Variants in ATP2A3 observed in about 807,000 individuals in gnomAD.
The protein encoded by ATP2A3 is sarcoplasmic/endoplasmic reticulum calcium ATPase 3.
In ATP2A3, 61 loss-of-function variants were observed where a neutral mutation model predicts 106.8. That is an observed-to-expected ratio of 0.57 (90% CI 0.46 to 0.71). ATP2A3 has a LOEUF of 0.71. ATP2A3 is among the 30% of genes least tolerant of loss of function. The pLI is 0.00. For missense variants in ATP2A3, 1,201 were observed against 1,423.5 expected, an observed-to-expected ratio of 0.84 and a Z score of 2.52; for synonymous variants, 611 against 609.3, an observed-to-expected ratio of 1.00 and a Z score of -0.04.
Position 3,941,443 on chromosome 17 carries a change from T to C in ATP2A3, c.1757A>G (p.Gln586Arg), listed in dbSNP as rs1385812459. 1 of 1,614,160 alleles carries C rather than the reference T, an allele frequency of 6.2e-7. No homozygotes were observed. The highest frequency in any genetic ancestry group is 1.7e-5 in the Admixed American group (1 of 60,024). ...ATCGGCTCCTGCACCCACCTCGTAC[T>C]GCACAAACTTGCTGCAGTCGTCCAG... is the stretch of plus-strand genomic sequence containing the variant. ...MELDDCSKFV[Q>R]YETDLTFVGC... The change falls in exon 13 of 21, where the codon CAG (glutamine) becomes CGG (arginine). Residue 586 changes from glutamine (Q) to arginine (R), a missense_variant. Around this residue, in one of 2 missense-constraint regions of ATP2A3, gnomAD observed 935 missense variants for 1,176.7 expected, o/e 0.79. Coordinates refer to ENST00000397041, the MANE Select transcript of ATP2A3 (RefSeq NM_005173.4).
chr17:3,940,464 A>G (rs2053696467), intron 14 of ATP2A3, among the ~76,000 whole-genome samples: 1 of 152,220 alleles, frequency 6.6e-6, no homozygotes, highest in Non-Finnish European at 1.5e-5. Context: ...TTAGTTGTAG[A>G]ATCCAGATGA....
In ATP2A3 at chr17:3,949,127, CAAAAAAA is replaced by C. The variant is rs869265323; in HGVS notation, c.631-1279_631-1273del. On this transcript the variant is annotated intron_variant, in intron 7 of 20. Transcript: ENST00000397041. ...TGGGTGACAGAGTGAGACTCTGTCT[CAAAAAAA>C]AAAAAAAAAAAAAAAAAAAGGAGTT... Among the ~76,000 whole-genome samples the C allele has an allele frequency of 1.7e-3, 104 of 60,002 alleles. 1 individual carries two copies. Among genetic ancestry groups the C allele is most frequent in the South Asian group, 3.4e-3 (5 of 1,458 alleles). 39.4% of individuals were successfully genotyped at this position (60,002 alleles called of 152,430 possible).
Position 3,926,890 on chromosome 17 carries a change from C to T in ATP2A3, c.2981-1449G>A. 1.0e-6 allele frequency: 1 copy of T among 985,432 alleles called. No individual in the cohort carries two copies. Among genetic ancestry groups the T allele is most frequent in the Non-Finnish European group, 1.2e-6 (1 of 829,936 alleles). 61.0% of individuals were successfully genotyped at this position (985,432 alleles called of 1,614,324 possible). A position where few individuals can be genotyped will look rare whatever the true frequency, so the allele number is the denominator to read the frequency against. On this transcript the variant is annotated intron_variant, in intron 20 of 20. Coordinates refer to ENST00000397041, the MANE Select transcript of ATP2A3 (RefSeq NM_005173.4). The surrounding 1 kb of genome is among the most constrained non-coding windows in gnomAD (Gnocchi z 4.6). Reference sequence around the variant, plus strand: ...GGCCCGTTAGTCTCACCCCCTCTTGCCTGTCCTCCATGGTTGACACAGTCC... The same window carrying T: ...GGCCCGTTAGTCTCACCCCCTCTTGTCTGTCCTCCATGGTTGACACAGTCC...
intron 15 of ATP2A3, chr17:3,937,119 T>G: frequency 2.1e-6 from 1 of 480,954 alleles, no homozygotes. Flanking sequence ...GGTGGGGCTT[T>G]TCTCTCATCT....
At chr17:3,957,863 G>A (rs1405615949) in intron 1 of ATP2A3, among the ~76,000 whole-genome samples, 2 of 152,198 alleles carry the variant, frequency 1.3e-5, no homozygotes, top group African/African-American at 4.8e-5. Flanking sequence ...TGGGCTGCAG[G>A]GGGCAGAGAC....
chr17:3,933,733 C>T (rs2144326390), intron 17 of ATP2A3, among the ~76,000 whole-genome samples: 1 of 151,272 alleles, frequency 6.6e-6, no homozygotes, highest in South Asian at 2.1e-4. Context: ...GAGACTCCAT[C>T]TCAAACAAAC....
rs1342892996 is a variant in ATP2A3 at position 3,955,141 on chromosome 17, A to T, written c.119-1431T>A. Among the ~76,000 whole-genome samples, 1 of 152,210 alleles carries T rather than the reference A, an allele frequency of 6.6e-6. No individual in the cohort carries two copies. Among genetic ancestry groups the T allele is most frequent in the Non-Finnish European group, 1.5e-5 (1 of 68,036 alleles). On this transcript the variant is annotated intron_variant, in intron 1 of 20. Coordinates refer to ENST00000397041, the MANE Select transcript of ATP2A3 (RefSeq NM_005173.4). The surrounding 1 kb of genome is among the most constrained non-coding windows in gnomAD (Gnocchi z 4.2). ...AGGACAGTCTCCGGACATCTGTGGC[A>T]TCTCCCCGAAGCTCGTTAGCCATGC...
intron 5 of ATP2A3, 47 bp downstream of exon 5, chr17:3,951,204 T>G (rs2054403387): frequency 8.1e-7 from 1 of 1,232,940 alleles, no homozygotes; most frequent in Non-Finnish European, 1.0e-6. Context: ...ATAAAATAAA[T>G]AAATAAATAA....
rs1406833791 is a variant in ATP2A3, at chr17:3,940,049, T to G, written c.2100+922A>C. ...GTCATATCTTTTTTTTTTTGTTTTT[T>G]GTTTTTTTTTTTTTTGGAGAGATGG... is the stretch of plus-strand genomic sequence containing the variant. On this transcript the variant is annotated intron_variant, in intron 14 of 20. Transcript: ENST00000397041. Among the ~76,000 whole-genome samples, 5 of 99,682 alleles carry G rather than the reference T, an allele frequency of 5.0e-5. No individual in the cohort carries two copies. In the East Asian group the frequency reaches 9.4e-4, roughly 19 times the overall value. The allele number at this position is 99,682 out of a possible 152,430, so 65.4% of individuals were successfully genotyped here.
chr17:3,932,843 G>A (rs2053187937), intron 17 of ATP2A3, among the ~76,000 whole-genome samples: 1 of 151,772 alleles, frequency 6.6e-6, no homozygotes, highest in Admixed American at 6.5e-5. Flanking sequence ...TTGTGCCACT[G>A]TTGTCGGGCC....
chr17:3,951,468 C>A lies in ATP2A3; in HGVS notation c.325-79G>T, dbSNP rs1433652169. ...CCCCCTTGGAGTGACTCCTCTGGGGCCTGGGATGGAGGTGGAAGCAGGAGA... is the reference window on the plus strand; with the variant it reads ...CCCCCTTGGAGTGACTCCTCTGGGGACTGGGATGGAGGTGGAAGCAGGAGA... On this transcript the variant is annotated intron_variant, in intron 4 of 20. Transcript: ENST00000397041. 16 of 1,606,346 alleles carry A rather than the reference C, an allele frequency of 1.0e-5. No individual in the cohort carries two copies. The Admixed American group carries it at 1.3e-4, about 14-fold the overall frequency.
intron 20 of ATP2A3, chr17:3,927,854 TG>T (rs1434656282): frequency 1.1e-5 from 17 of 1,548,898 alleles, no homozygotes; most frequent in Non-Finnish European, 1.2e-5. Flanking sequence ...CTGCCAGAGG[TG>T]GCCCCCAACG....
chr17:3,950,162 A>T lies in ATP2A3; in HGVS notation c.630+349T>A, dbSNP rs1381608804. Among the ~76,000 whole-genome samples, 49 of 138,594 alleles carry T rather than the reference A, an allele frequency of 3.5e-4. No homozygotes were observed. The South Asian group carries it at 0.011, about 30-fold the overall frequency. The allele number at this position is 138,594 out of a possible 152,430, so 90.9% of individuals were successfully genotyped here. A position where few individuals can be genotyped will look rare whatever the true frequency, so the allele number is the denominator to read the frequency against. On this transcript the variant is annotated intron_variant, in intron 7 of 20. Transcript: ENST00000397041. ...GGGCAACAGGGCCAGAAAAAAAAAT[A>T]TTTTTTTTTTTTTTTTGAGACAGAG... is the stretch of plus-strand genomic sequence containing the variant.
rs1567670909 is a variant in ATP2A3, at chr17:3,925,475, ATGTG to A, written c.2981-38_2981-35del. On this transcript the variant is annotated intron_variant, in intron 20 of 20. Coordinates refer to ENST00000397041, the MANE Select transcript of ATP2A3 (RefSeq NM_005173.4). This position sits in a 1 kb window ranked among gnomAD's most constrained non-coding sequence, Gnocchi z 4.2. The stretch of plus-strand genomic sequence containing the variant: ...AAAACCCAAGAGCGCGTTAAGATGT[ATGTG>A]TAAGGGCACACATCCAGACAGCTTC... 6.2e-7 allele frequency: 1 copy of A among 1,604,886 alleles called. No individual in the cohort carries two copies.
chr17:3,962,131 G>C (rs930103352), intron 1 of ATP2A3, among the ~76,000 whole-genome samples: 2 of 152,158 alleles, frequency 1.3e-5, no homozygotes, highest in African/African-American at 2.4e-5. Flanking sequence ...AAAAGCTGCT[G>C]CCGGCTGACC....
chr17:3,927,939 C>G, intron 20 of ATP2A3: 1 of 1,611,470 alleles, frequency 6.2e-7, no homozygotes, highest in Non-Finnish European at 8.5e-7. Context: ...TCCAGCCATA[C>G]GGCCACCGCC....
chr17:3,934,883 G>C, intron 17 of ATP2A3: 1 of 376,804 alleles, frequency 2.7e-6, no homozygotes, highest in East Asian at 5.7e-5. Context: ...CCATTTAGGG[G>C]CTCATTCCTC....
chr17:3,944,450 C>G (rs894200472), intron 10 of ATP2A3, among the ~76,000 whole-genome samples: 6 of 152,170 alleles, frequency 3.9e-5, no homozygotes, highest in Non-Finnish European at 7.3e-5. Context: ...TCTCTTCCCC[C>G]CACAGGTTTC....
intron 1 of ATP2A3, among the ~76,000 whole-genome samples, chr17:3,962,117 C>G (rs2055173886): frequency 6.6e-6 from 1 of 152,164 alleles, no homozygotes; most frequent in Admixed American, 6.5e-5. Context: ...GGAGGCAAAG[C>G]TGAAAAAGCT....
Sources: allele counts gnomAD v4.1 joint callset (sites outside exome capture counted in the v4.1 genomes callset), GRCh38; gene constraint gnomAD v4.1.1; regional missense constraint gnomAD v4.1.1; non-coding constraint Gnocchi (gnomAD v3.1); transcripts MANE v1.5; gene names NCBI Gene and HGNC (gene_info 2026-07-23, HGNC 2026-07-21).